Variants in DLG2 observed in about 807,000 individuals in gnomAD.
DLG2 encodes disks large homolog 2.
DLG2 carries 45 observed loss-of-function variants against 132.5 expected under a neutral mutation model. That is an observed-to-expected ratio of 0.34 (90% CI 0.27 to 0.44). The LOEUF is 0.44. DLG2 is among the 20% of genes least tolerant of loss of function. The pLI is 1.00. For missense variants in DLG2, 1,045 were observed against 1,196.9 expected (o/e 0.87, Z 1.87); for synonymous variants, 424 against 419.6 (o/e 1.01, Z -0.13).
intron 7 of DLG2, among the ~76,000 whole-genome samples, chr11:84,533,663 T>C (rs181052346): frequency 2.6e-4 from 39 of 152,190 alleles, no homozygotes; most frequent in African/African-American, 9.4e-4. Flanking sequence ...CGGGAGACAC[T>C]TTTATGTCTT....
intron 6 of DLG2, among the ~76,000 whole-genome samples, chr11:84,598,073 C>T (rs546384401): frequency 6.6e-6 from 1 of 152,164 alleles, no homozygotes; most frequent in Non-Finnish European, 1.5e-5. Flanking sequence ...TTAAGATATC[C>T]AAAGTTGCAG....
intron 6 of DLG2, among the ~76,000 whole-genome samples, chr11:84,878,365 T>C (rs977032772): frequency 6.6e-6 from 1 of 152,078 alleles, no homozygotes; most frequent in African/African-American, 2.4e-5. Context: ...CACCATAGAA[T>C]AGTATGAAGC....
intron 6 of DLG2, among the ~76,000 whole-genome samples, chr11:84,609,471 T>C (rs2099591580): frequency 2.0e-5 from 3 of 152,118 alleles, no homozygotes; most frequent in African/African-American, 7.2e-5. Context: ...GAAGACATAG[T>C]AGTTGGAAAA....
chr11:84,316,809 T>C, intron 7 of DLG2: 1 of 1,589,288 alleles, frequency 6.3e-7, no homozygotes, highest in Non-Finnish European at 8.6e-7. Flanking sequence ...GGGAAAGTCA[T>C]AAGGAAAAGG....
intron 7 of DLG2, among the ~76,000 whole-genome samples, chr11:84,319,319 A>G (rs188591256): frequency 2.8e-4 from 42 of 152,320 alleles, no homozygotes; most frequent in Non-Finnish European, 5.1e-4. Context: ...ACCATGATGC[A>G]TGGCTGTACA....
At chr11:83,638,685 A>G (rs144764176) in intron 18 of DLG2, among the ~76,000 whole-genome samples, 1,983 of 152,268 alleles carry the variant, frequency 0.013, 54 homozygotes, top group African/African-American at 0.045. Flanking sequence ...TGAGCCACAG[A>G]TGGCCATACT....
At chr11:84,508,682 G>A (rs1269025568) in intron 7 of DLG2, among the ~76,000 whole-genome samples, 1 of 152,162 alleles carries the variant, frequency 6.6e-6, no homozygotes, top group Non-Finnish European at 1.5e-5. Context: ...TTACAAGCAT[G>A]AGACACCGTG....
At chr11:83,945,917 T>TTTCC (rs2083754517) in intron 14 of DLG2, among the ~76,000 whole-genome samples, 1 of 145,674 alleles carries the variant, frequency 6.9e-6, no homozygotes, top group Non-Finnish European at 1.5e-5. Context: ...TCTTTCCTTC[T>TTTCC]TTCCTTCCTT....
intron 26 of DLG2, among the ~76,000 whole-genome samples, chr11:83,465,137 C>A (rs2090785495): frequency 6.6e-6 from 1 of 152,034 alleles, no homozygotes; most frequent in South Asian, 2.1e-4. Context: ...TAATTTAATA[C>A]CTAAATTCAT....
intron 9 of DLG2, among the ~76,000 whole-genome samples, chr11:84,112,999 A>T (rs2154194231): frequency 6.6e-6 from 1 of 152,288 alleles, no homozygotes; most frequent in Middle Eastern, 3.4e-3. Flanking sequence ...AAGATCAAAT[A>T]ATAATATGTT....
rs979030051 is a variant in DLG2, at chr11:84,251,305, T to C, written c.520-14A>G. 4 of 1,556,032 alleles carry C rather than the reference T, an allele frequency of 2.6e-6. No individual in the cohort carries two copies. Among genetic ancestry groups the C allele is most frequent in the Admixed American group, 2.0e-5 (1 of 50,422 alleles). ...AGCAGGACTGGCCTGAAAAAAGAAA[T>C]AGAAAAAAAATTAAATAATGAATAG... On this transcript the variant is annotated splice_polypyrimidine_tract_variant and intron_variant, in intron 7 of 27. Transcript: ENST00000376104.
intron 6 of DLG2, chr11:84,997,112 AC>A (rs1174059186): frequency 6.5e-6 from 1 of 153,118 alleles, no homozygotes; most frequent in Non-Finnish European, 1.5e-5. Flanking sequence ...TAGCAATATG[AC>A]TTCTGATTTG....
At chr11:83,693,674 T>C (rs566699163) in intron 18 of DLG2, 2 of 152,348 alleles carry the variant, frequency 1.3e-5, no homozygotes, top group Admixed American at 6.5e-5. Context: ...CAGAGACAGC[T>C]TTTAGCTCTC....
intron 6 of DLG2, among the ~76,000 whole-genome samples, chr11:84,724,781 T>C (rs2062214469): frequency 6.6e-6 from 1 of 152,186 alleles, no homozygotes; most frequent in African/African-American, 2.4e-5. Context: ...CACAAATGTT[T>C]ATTTCTTCCT....
At chr11:83,552,202 C>T (rs1040382684) in intron 19 of DLG2, among the ~76,000 whole-genome samples, 4 of 151,940 alleles carry the variant, frequency 2.6e-5, no homozygotes, top group African/African-American at 9.7e-5. Flanking sequence ...AAATAGAGCA[C>T]GGTAAGGGGG....
intron 6 of DLG2, among the ~76,000 whole-genome samples, chr11:84,956,227 A>G (rs2051643113): frequency 6.6e-6 from 1 of 152,218 alleles, no homozygotes; most frequent in African/African-American, 2.4e-5. Context: ...AAAGCTGAAC[A>G]ATATTTCTAA....
At chr11:83,547,335 T>C (rs931609062) in intron 19 of DLG2, among the ~76,000 whole-genome samples, 1 of 152,156 alleles carries the variant, frequency 6.6e-6, no homozygotes, top group East Asian at 1.9e-4. Flanking sequence ...TGTTATCTTA[T>C]ATAGCAAAAG....
At chr11:83,754,753 T>G in intron 18 of DLG2, among the ~76,000 whole-genome samples, 1 of 151,296 alleles carries the variant, frequency 6.6e-6, no homozygotes, top group East Asian at 1.9e-4. Flanking sequence ...AGGAAACAAT[T>G]TGCCATGTGA....
intron 3 of DLG2, among the ~76,000 whole-genome samples, chr11:85,573,193 T>C (rs1386203672): frequency 6.6e-6 from 1 of 152,120 alleles, no homozygotes; most frequent in Non-Finnish European, 1.5e-5. Context: ...CATAAACCAA[T>C]TAAATCTCTC....
Sources: gnomAD v4.1 joint callset for allele counts (sites outside exome capture counted in the v4.1 genomes callset) on GRCh38, gnomAD v4.1.1 for gene constraint, MANE v1.5 for transcripts, NCBI Gene and HGNC (gene_info 2026-07-23, HGNC 2026-07-21) for gene names.